ZC4H2: variants seen among roughly 807,000 people sequenced by gnomAD.
ZC4H2 encodes zinc finger C4H2-type containing, also known as zinc finger C4H2 domain-containing protein.
For synonymous variants in ZC4H2, 84 were observed against 66.3 expected, an observed-to-expected ratio of 1.27 and a Z score of -1.30; for missense variants, 137 against 173.9, an observed-to-expected ratio of 0.79 and a Z score of 1.19.
At chrX:64,944,146 T>TC (rs1435339708) in intron 1 of ZC4H2, among the ~76,000 whole-genome samples, 1 of 101,202 alleles carries the variant, frequency 9.9e-6, no homozygotes, top group African/African-American at 3.7e-5. Context: ...TTTTTCTTTT[T>TC]TTTTTTTTTT....
Position 64,954,353 on chromosome X carries a change from T to C in ZC4H2, c.53+21972A>G, listed in dbSNP as rs1223932626. On this transcript the variant is annotated intron_variant, in intron 1 of 4. Coordinates refer to ENST00000374839, the MANE Select transcript of ZC4H2 (RefSeq NM_018684.4). The stretch of plus-strand genomic sequence containing the variant: ...ATATATATATAATTATATATATATA[T>C]AATTATATATATATATATAATTATA... Among the ~76,000 whole-genome samples the C allele has an allele frequency of 3.0e-4, 21 of 70,154 alleles. 1 individual carries two copies. Among genetic ancestry groups the C allele is most frequent in the African/African-American group, 2.3e-3 (21 of 9,159 alleles). The allele number at this position is 70,154 out of a possible 115,157, so 60.9% of individuals were successfully genotyped here. A position where few individuals can be genotyped will look rare whatever the true frequency, so the allele number is the denominator to read the frequency against.
intron 1 of ZC4H2, among the ~76,000 whole-genome samples, chrX:64,954,105 G>A (rs1051248432): frequency 1.9e-5 from 2 of 105,066 alleles, no homozygotes; most frequent in Non-Finnish European, 3.9e-5. Context: ...ACTCATAGGT[G>A]GGAATTGAAC....
intron 1 of ZC4H2, among the ~76,000 whole-genome samples, chrX:65,015,106 G>A (rs764815142): frequency 1.8e-5 from 2 of 109,063 alleles, no homozygotes; most frequent in Admixed American, 9.7e-5. Context: ...ATTAATATTT[G>A]CTTGAGAATA....
At chrX:64,919,413 G>A (rs1929080412) in intron 3 of ZC4H2, 1 of 394,471 alleles carries the variant, frequency 2.5e-6, no homozygotes, top group Non-Finnish European at 4.3e-6. Flanking sequence ...GCTCTGATAG[G>A]CCAAGAAGAC....
upstream of ZC4H2, among the ~76,000 whole-genome samples, chrX:64,977,844 T>C (rs187154626): frequency 2.0e-3 from 227 of 111,610 alleles, 1 homozygote; most frequent in African/African-American, 7.0e-3. Context: ...CCAAGTAATG[T>C]TTAATTATTT....
intron 1 of ZC4H2, among the ~76,000 whole-genome samples, chrX:64,999,668 G>T (rs925189980): frequency 8.9e-6 from 1 of 112,504 alleles, no homozygotes; most frequent in East Asian, 2.8e-4. Context: ...CTCCCATGGA[G>T]TCCAGCAAGC....
intron 1 of ZC4H2, among the ~76,000 whole-genome samples, chrX:64,934,275 C>T (rs1333524602): frequency 8.9e-6 from 1 of 112,411 alleles, no homozygotes; most frequent in East Asian, 2.8e-4. Context: ...AACATTTTTA[C>T]TCCATTGTAA....
intron 1 of ZC4H2, among the ~76,000 whole-genome samples, chrX:64,960,657 G>T (rs935086900): frequency 8.9e-6 from 1 of 112,218 alleles, no homozygotes; most frequent in African/African-American, 3.2e-5. Context: ...ACAAATACAT[G>T]CAGCAACCAA....
chrX:65,002,255 C>T (rs1168081423), intron 1 of ZC4H2, among the ~76,000 whole-genome samples: 1 of 112,416 alleles, frequency 8.9e-6, no homozygotes, highest in African/African-American at 3.2e-5. Context: ...GTCCCTCAGA[C>T]TGCAGTGCAA....
chrX:64,954,879 G>A (rs191625121), intron 1 of ZC4H2, among the ~76,000 whole-genome samples: 3 of 111,168 alleles, frequency 2.7e-5, no homozygotes, highest in East Asian at 2.8e-4. Flanking sequence ...TAAACTCCAC[G>A]GTCTAAGTCA....
intron 1 of ZC4H2, among the ~76,000 whole-genome samples, chrX:64,924,547 G>T (rs988695432): frequency 2.7e-5 from 3 of 111,190 alleles, no homozygotes; most frequent in Non-Finnish European, 5.7e-5. Flanking sequence ...GTGATAGAAG[G>T]ATACAACAAA....
chrX:64,989,153 G>A (rs1239077670), intron 1 of ZC4H2, among the ~76,000 whole-genome samples: 31 of 111,770 alleles, frequency 2.8e-4, no homozygotes, highest in African/African-American at 9.8e-4. Context: ...CAGGTAGCGT[G>A]ATGCCTCCAG....
At chrX:64,960,387 T>C (rs1423899635) in intron 1 of ZC4H2, among the ~76,000 whole-genome samples, 1 of 111,190 alleles carries the variant, frequency 9.0e-6, no homozygotes, top group East Asian at 2.8e-4. Flanking sequence ...CAGTTAAATA[T>C]TGATTAGCAC....
At chrX:65,013,102 C>T (rs749122169) in intron 1 of ZC4H2, among the ~76,000 whole-genome samples, 1 of 110,940 alleles carries the variant, frequency 9.0e-6, no homozygotes, top group Admixed American at 9.6e-5. Context: ...AAATGGATAC[C>T]GTGTTGGCAG....
Position 64,931,849 on chromosome X carries a change from G to A in ZC4H2, c.54-9861C>T, listed in dbSNP as rs1463931083. ...CTGTAGTTGTTGGAAATAATGTTTT[G>A]TAAATATATGTTAATTCTGTTTGTT... On this transcript the variant is annotated intron_variant, in intron 1 of 4. Coordinates refer to ENST00000374839, the MANE Select transcript of ZC4H2 (RefSeq NM_018684.4). Among the ~76,000 whole-genome samples the A allele has an allele frequency of 2.7e-5, 3 of 111,636 alleles. No individual in the cohort carries two copies. The Admixed American group carries it at 2.9e-4, about 11-fold the overall frequency.
At position 65,024,737 on chromosome X, in the gene ZC4H2, T is replaced by C. The variant is rs769816397; in HGVS notation, c.-272+9892A>G. Among the ~76,000 whole-genome samples the C allele has an allele frequency of 3.6e-5, 4 of 112,154 alleles. No individual in the cohort carries two copies. The East Asian group carries it at 1.1e-3, about 31-fold the overall frequency. On this transcript the variant is annotated intron_variant, in intron 1 of 4. Coordinates refer to the ZC4H2 transcript ENST00000337990. The stretch of plus-strand genomic sequence containing the variant: ...CTATAAAAAATGACACCATGTCTTT[T>C]TCGCAACATGAATGGAGCTGGAGGC...
Position 64,917,912 on chromosome X carries a change from G to A in ZC4H2, c.562-16C>T, listed in dbSNP as rs1184909499. On this transcript the variant is annotated splice_polypyrimidine_tract_variant and intron_variant, in intron 4 of 4. Transcript: ENST00000374839. ...ACAAGCAGGCCTGGTGAGGGACACAGGAAAAAGAAAGTTAGTAGTCAGATT... is the reference window on the plus strand; with the variant it reads ...ACAAGCAGGCCTGGTGAGGGACACAAGAAAAAGAAAGTTAGTAGTCAGATT... 3 of 1,195,228 alleles carry A rather than the reference G, an allele frequency of 2.5e-6. No individual in the cohort carries two copies. Among genetic ancestry groups the A allele is most frequent in the Non-Finnish European group, 2.3e-6 (2 of 887,897 alleles).
chrX:64,956,381 T>C (rs1190155470), intron 1 of ZC4H2, among the ~76,000 whole-genome samples: 2 of 111,229 alleles, frequency 1.8e-5, no homozygotes, highest in African/African-American at 3.3e-5. Context: ...AATAGTAGTC[T>C]CCCTTGTGCG....
chrX:64,964,567 G>A (rs1016243822), intron 1 of ZC4H2, among the ~76,000 whole-genome samples: 2 of 111,361 alleles, frequency 1.8e-5, no homozygotes, highest in African/African-American at 6.5e-5. Context: ...TTTACCCAGG[G>A]AAAACAACTT....
Sources: gnomAD v4.1 joint callset for allele counts (sites outside exome capture counted in the v4.1 genomes callset) on GRCh38, gnomAD v4.1.1 for gene constraint, MANE v1.5 for transcripts, NCBI Gene and HGNC (gene_info 2026-07-23, HGNC 2026-07-21) for gene names.